The following ATP10B variants were observed in gnomAD, a reference collection of about 807,000 sequenced individuals.
ATP10B encodes phospholipid-transporting ATPase VB.
In ATP10B, 122 loss-of-function variants were observed where a neutral mutation model predicts 141.2. The observed-to-expected ratio is 0.86, with a 90% CI of 0.75 to 1.00. The LOEUF is 1.00. Ranked by LOEUF, ATP10B falls within the 50% of genes least tolerant of loss-of-function variation. The pLI, the probability that ATP10B is intolerant of heterozygous loss-of-function variation, is 0.00. For synonymous variants in ATP10B, 685 were observed against 692.0 expected, an observed-to-expected ratio of 0.99 and a Z score of 0.16; for missense variants, 1,876 against 1,825.3, an observed-to-expected ratio of 1.03 and a Z score of -0.51.
At chr5:160,767,887 A>T (rs965445123) in intron 2 of ATP10B, among the ~76,000 whole-genome samples, 23 of 152,026 alleles carry the variant, frequency 1.5e-4, no homozygotes, top group African/African-American at 5.3e-4. Context: ...TCCCTTAAAG[A>T]TGGGTGTTTT....
chr5:160,788,612 C>A (rs1771342625), intron 1 of ATP10B, among the ~76,000 whole-genome samples: 1 of 152,152 alleles, frequency 6.6e-6, no homozygotes, highest in Non-Finnish European at 1.5e-5. Context: ...AACTCCCTGC[C>A]TCTCTTCTCA....
chr5:160,828,002 G>A (rs1774761505), intron 1 of ATP10B, among the ~76,000 whole-genome samples: 1 of 152,080 alleles, frequency 6.6e-6, no homozygotes, highest in African/African-American at 2.4e-5. Flanking sequence ...GCCCTGGCTA[G>A]CCATATGTAG....
At chr5:160,751,581 A>G (rs76169030) in intron 2 of ATP10B, among the ~76,000 whole-genome samples, 10,771 of 151,574 alleles carry the variant, frequency 0.071, 370 homozygotes, top group Middle Eastern at 0.099. Context: ...CTAATCACCC[A>G]AAGGACTGGT....
At chr5:160,905,183 T>G in the ATP10B span, among the ~76,000 whole-genome samples, 1 of 152,244 alleles carries the variant, frequency 6.6e-6, no homozygotes, top group South Asian at 2.1e-4. Flanking sequence ...GAAACCAGCC[T>G]AATGTCAGAC....
chr5:160,650,458 G>C (rs557183311), intron 7 of ATP10B, among the ~76,000 whole-genome samples: 7 of 152,210 alleles, frequency 4.6e-5, no homozygotes, highest in African/African-American at 1.7e-4. Context: ...GGATAATGAA[G>C]GAATTCTTAT....
intron 2 of ATP10B, among the ~76,000 whole-genome samples, chr5:160,734,490 T>C (rs1766971719): frequency 6.6e-6 from 1 of 152,112 alleles, no homozygotes. Flanking sequence ...AAGCTTTATG[T>C]AAAGTGGTAC....
intron 1 of ATP10B, among the ~76,000 whole-genome samples, chr5:160,835,495 G>A (rs968572515): frequency 6.6e-6 from 1 of 152,210 alleles, no homozygotes; most frequent in Admixed American, 6.6e-5. Context: ...CACCTGCATT[G>A]GGAATAAGCT....
intron 2 of ATP10B, among the ~76,000 whole-genome samples, chr5:160,741,904 C>G (rs1445302926): frequency 6.6e-6 from 1 of 152,160 alleles, no homozygotes. Context: ...ATTTATGGAG[C>G]ACTTAGTAAG....
chr5:160,796,980 G>A (rs1771991660), intron 1 of ATP10B, among the ~76,000 whole-genome samples: 1 of 152,154 alleles, frequency 6.6e-6, no homozygotes, highest in Non-Finnish European at 1.5e-5. Context: ...AGGGAAGGAG[G>A]CAGGAATCTA....
rs1377048717 is a variant in ATP10B, at chr5:160,564,495, A to T, written c.*958T>A. The T allele has an allele frequency of 6.6e-6, 1 of 152,114 alleles. No individual in the cohort carries two copies. Among genetic ancestry groups the T allele is most frequent in the Admixed American group, 6.6e-5 (1 of 15,256 alleles). 9.4% of individuals were successfully genotyped at this position (152,114 alleles called of 1,614,324 possible). A position where few individuals can be genotyped will look rare whatever the true frequency, so the allele number is the denominator to read the frequency against. On this transcript the variant is annotated 3_prime_UTR_variant, in exon 26 of 26. Transcript: ENST00000327245. ...TCTGGAATAGGCTGAATGGGGTTTC[A>T]GATTAGTTCTACCCTTGAAGATGTC...
chr5:160,622,376 G>A lies in ATP10B; in HGVS notation c.1812+18C>T. The A allele has an allele frequency of 6.3e-7, 1 of 1,599,276 alleles. No homozygotes were observed. The highest frequency in any genetic ancestry group is 8.5e-7 in the Non-Finnish European group (1 of 1,173,558). ...CTACCTCCTTTACCCTCCTCCCCCA[G>A]CCATCGCTGGTCCTTACCCTCTGCC... On this transcript the variant is annotated intron_variant, in intron 14 of 25. Coordinates refer to ENST00000327245, the MANE Select transcript of ATP10B (RefSeq NM_025153.3).
At chr5:160,896,566 A>C in the ATP10B span, among the ~76,000 whole-genome samples, 117 of 152,274 alleles carry the variant, frequency 7.7e-4, no homozygotes, top group South Asian at 0.019. Context: ...CCTATTAATC[A>C]AAAAAAGCCC....
chr5:160,796,410 T>C lies in ATP10B; in HGVS notation c.-575-10607A>G, dbSNP rs1297924607. 2.6e-5 allele frequency among the ~76,000 whole-genome samples: 4 copies of C among 152,246 alleles called. No individual in the cohort carries two copies. The East Asian group carries it at 7.7e-4, about 29-fold the overall frequency. ...ATAATAGTAGTAGGAAGGGTAACAG[T>C]AGCTGACAGTAACTGGTTGTGTGCA... On this transcript the variant is annotated intron_variant, in intron 1 of 25. Transcript: ENST00000327245.
the ATP10B span, among the ~76,000 whole-genome samples, chr5:160,895,160 A>G: frequency 2.6e-5 from 4 of 152,354 alleles, no homozygotes; most frequent in South Asian, 6.2e-4. Flanking sequence ...TGGATAAAAT[A>G]AGCAGCTAGC....
At chr5:160,903,199 A>C in the ATP10B span, among the ~76,000 whole-genome samples, 3 of 152,212 alleles carry the variant, frequency 2.0e-5, no homozygotes, top group African/African-American at 7.2e-5. Flanking sequence ...GGCTATGTAT[A>C]GCTTGCTTAG....
At chr5:160,892,331 C>T in the ATP10B span, among the ~76,000 whole-genome samples, 2 of 152,192 alleles carry the variant, frequency 1.3e-5, no homozygotes, top group African/African-American at 4.8e-5. Flanking sequence ...CAATTTCTTG[C>T]CACTAAGGTC....
the ATP10B span, among the ~76,000 whole-genome samples, chr5:160,886,385 A>G: frequency 2.0e-5 from 3 of 152,204 alleles, no homozygotes; most frequent in African/African-American, 7.2e-5. Context: ...ATTTTACCAT[A>G]GACAACATTT....
At chr5:160,823,035 T>TATATAA (rs1554121614) in intron 1 of ATP10B, among the ~76,000 whole-genome samples, 15 of 111,938 alleles carry the variant, frequency 1.3e-4, no homozygotes, top group Non-Finnish European at 1.9e-4. Context: ...TATATATATA[T>TATATAA]AAAATAAAGA....
At chr5:160,628,542 G>A (rs1173791246) in intron 13 of ATP10B, among the ~76,000 whole-genome samples, 1 of 152,168 alleles carries the variant, frequency 6.6e-6, no homozygotes, top group Admixed American at 6.5e-5. Context: ...AGGAGGCAGA[G>A]GTCCAATGAC....
Sources: allele counts gnomAD v4.1 joint callset (sites outside exome capture counted in the v4.1 genomes callset), GRCh38; gene constraint gnomAD v4.1.1; transcripts MANE v1.5; gene names NCBI Gene and HGNC (gene_info 2026-07-23, HGNC 2026-07-21).